Variants in ASTN2 observed in about 807,000 individuals in gnomAD.
The protein encoded by ASTN2 is astrotactin 2.
A neutral mutation model predicts 139.8 loss-of-function variants in ASTN2; 54 were observed. That is an observed-to-expected ratio of 0.39 (90% confidence interval 0.31 to 0.48). The LOEUF is 0.48. Ranked by LOEUF, ASTN2 falls within the 20% of genes least tolerant of loss-of-function variation. ASTN2 has a pLI of 0.95. For synonymous variants in ASTN2, 756 were observed against 719.5 expected, an observed-to-expected ratio of 1.05 and a Z score of -0.81; for missense variants, 1,565 against 1,725.1, an observed-to-expected ratio of 0.91 and a Z score of 1.64.
At chr9:116,613,878 C>A (rs1223774592) in intron 19 of ASTN2, among the ~76,000 whole-genome samples, 2 of 152,014 alleles carry the variant, frequency 1.3e-5, no homozygotes, top group Non-Finnish European at 2.9e-5. Flanking sequence ...CTGGCCAGGG[C>A]AATCAGAGAG....
chr9:116,783,469 G>A (rs1830276816), intron 13 of ASTN2, among the ~76,000 whole-genome samples: 1 of 152,042 alleles, frequency 6.6e-6, no homozygotes, highest in Admixed American at 6.6e-5. Context: ...GCTCTGTCTT[G>A]GGAGTGAGAA....
intron 3 of ASTN2, among the ~76,000 whole-genome samples, chr9:117,184,062 C>T (rs149750210): frequency 6.6e-6 from 1 of 152,164 alleles, no homozygotes; most frequent in Non-Finnish European, 1.5e-5. Flanking sequence ...TCTGAGATAG[C>T]TACAGGTTAA....
At chr9:117,165,747 C>G (rs1303606178) in intron 3 of ASTN2, among the ~76,000 whole-genome samples, 4 of 152,050 alleles carry the variant, frequency 2.6e-5, no homozygotes, top group Non-Finnish European at 5.9e-5. Context: ...AGTTACGGAG[C>G]AAGTCACTTC....
At chr9:116,742,779 A>C (rs1377550574) in intron 13 of ASTN2, among the ~76,000 whole-genome samples, 1 of 11,066 alleles carries the variant, frequency 9.0e-5, no homozygotes, top group Non-Finnish European at 1.6e-4. Context: ...TATGTCAATT[A>C]AAATATAAAA....
intron 2 of ASTN2, among the ~76,000 whole-genome samples, chr9:117,215,331 C>G (rs1393563626): frequency 6.6e-6 from 1 of 151,978 alleles, no homozygotes; most frequent in African/African-American, 2.4e-5. Flanking sequence ...CTTCATTTTT[C>G]AGAAACACCA....
intron 4 of ASTN2, among the ~76,000 whole-genome samples, chr9:117,137,763 G>A (rs1829987446): frequency 2.0e-5 from 3 of 151,920 alleles, no homozygotes; most frequent in Non-Finnish European, 4.4e-5. Flanking sequence ...TTGATGGGCT[G>A]TCTTGGGTAA....
intron 15 of ASTN2, 137 bp from the exon 16 acceptor site, chr9:116,726,087 T>C: frequency 1.4e-6 from 1 of 703,950 alleles, no homozygotes; most frequent in Non-Finnish European, 2.3e-6. Flanking sequence ...GTGGCTGCAC[T>C]AGTCCAAACA....
At chr9:116,803,711 C>A (rs6478251) in intron 13 of ASTN2, among the ~76,000 whole-genome samples, 129,539 of 149,808 alleles carry the variant, frequency 0.86, 56,152 homozygotes, top group East Asian at 0.99. Context: ...TTTTTAGTAG[C>A]GATGGGGTTT....
chr9:116,476,200 C>G (rs1848976277), intron 20 of ASTN2, among the ~76,000 whole-genome samples: 1 of 152,194 alleles, frequency 6.6e-6, no homozygotes, highest in Non-Finnish European at 1.5e-5. Context: ...TAATCTCAGC[C>G]TCTGTCTTCA....
chr9:116,719,673 A>G (rs1828418179), intron 16 of ASTN2, among the ~76,000 whole-genome samples: 1 of 152,142 alleles, frequency 6.6e-6, no homozygotes, highest in South Asian at 2.1e-4. Flanking sequence ...AACAGAGATC[A>G]TGACCATAGA....
At chr9:117,400,095 A>G (rs899180775) in intron 1 of ASTN2, among the ~76,000 whole-genome samples, 3 of 152,220 alleles carry the variant, frequency 2.0e-5, no homozygotes, top group African/African-American at 4.8e-5. Flanking sequence ...GGAGTAGCCT[A>G]TGCAGCCCAA....
At chr9:116,565,934 T>C (rs1853211258) in intron 19 of ASTN2, among the ~76,000 whole-genome samples, 2 of 152,172 alleles carry the variant, frequency 1.3e-5, no homozygotes, top group South Asian at 4.1e-4. Context: ...ACAAGCTGGA[T>C]ACTTGGATAC....
chr9:116,909,057 G>C (rs1834242963), intron 10 of ASTN2, among the ~76,000 whole-genome samples: 1 of 152,228 alleles, frequency 6.6e-6, no homozygotes, highest in Admixed American at 6.5e-5. Context: ...TTCATAGGCA[G>C]TGGGGAGGAC....
chr9:117,266,339 TACAA>T (rs923819664), intron 2 of ASTN2, among the ~76,000 whole-genome samples: 5 of 151,712 alleles, frequency 3.3e-5, no homozygotes, highest in African/African-American at 9.7e-5. Context: ...CACAAAAACA[TACAA>T]ACAATCTGGT....
chr9:116,897,604 C>T (rs564849307), intron 10 of ASTN2, among the ~76,000 whole-genome samples: 10 of 152,212 alleles, frequency 6.6e-5, no homozygotes, highest in Admixed American at 4.6e-4. Context: ...GTTAGGACAT[C>T]GCTGAATAAA....
At chr9:116,541,456 C>G (rs1049340415) in intron 19 of ASTN2, among the ~76,000 whole-genome samples, 1 of 152,124 alleles carries the variant, frequency 6.6e-6, no homozygotes, top group Non-Finnish European at 1.5e-5. Context: ...AACACTGGGC[C>G]CTTGTTGCCA....
At chr9:116,521,462 G>T (rs72759976) in intron 19 of ASTN2, among the ~76,000 whole-genome samples, 1,754 of 152,240 alleles carry the variant, frequency 0.012, 10 homozygotes, top group Non-Finnish European at 0.019. Flanking sequence ...GATGAAACTA[G>T]ATCTTCATCT....
chr9:116,543,103 T>TTTGG (rs1851944125), intron 19 of ASTN2, among the ~76,000 whole-genome samples: 1 of 151,906 alleles, frequency 6.6e-6, no homozygotes, highest in Non-Finnish European at 1.5e-5. Context: ...CGGCACATTT[T>TTTGG]TTGGTTGGTT....
At chr9:117,002,776 C>T (rs1642737788) in intron 7 of ASTN2, among the ~76,000 whole-genome samples, 2 of 152,146 alleles carry the variant, frequency 1.3e-5, no homozygotes, top group East Asian at 1.9e-4. Context: ...TCTTGAACCT[C>T]CCGCCTTGCT....
Sources: allele counts gnomAD v4.1 joint callset (sites outside exome capture counted in the v4.1 genomes callset), GRCh38; gene constraint gnomAD v4.1.1; transcripts MANE v1.5; gene names NCBI Gene and HGNC (gene_info 2026-07-23, HGNC 2026-07-21).